Variants in C12orf42 observed in about 807,000 individuals in gnomAD.
The protein encoded by C12orf42 is uncharacterized protein C12orf42.
Under a neutral mutation model 21.6 loss-of-function variants are expected in C12orf42, and 25 were observed. That is an observed-to-expected ratio of 1.16 (90% CI 0.84 to 1.62). C12orf42 has a LOEUF of 1.62. Among genes scored for constraint, C12orf42 ranks in the 40% most tolerant of loss-of-function variants. The pLI, the probability that C12orf42 is intolerant of heterozygous loss-of-function variation, is 0.00. For missense variants in C12orf42, 483 were observed against 459.3 expected, an observed-to-expected ratio of 1.05 and a Z score of -0.47; for synonymous variants, 174 against 175.0, an observed-to-expected ratio of 0.99 and a Z score of 0.05.
At chr12:103,255,715 C>T (rs1375572779) in intron 10 of C12orf42, among the ~76,000 whole-genome samples, 1 of 151,896 alleles carries the variant, frequency 6.6e-6, no homozygotes, top group Non-Finnish European at 1.5e-5. Context: ...TATCCCGTTA[C>T]TTCAAAAGTT....
chr12:103,121,656 C>T, the C12orf42 span, among the ~76,000 whole-genome samples: 2 of 152,300 alleles, frequency 1.3e-5, no homozygotes, highest in Admixed American at 6.5e-5. Context: ...GTGTGATCCT[C>T]CACTCATTCA....
intron 10 of C12orf42, among the ~76,000 whole-genome samples, chr12:103,255,547 T>TA (rs1462904196): frequency 6.6e-6 from 1 of 152,190 alleles, no homozygotes; most frequent in Non-Finnish European, 1.5e-5. Flanking sequence ...AGTTCATTAT[T>TA]ATATACACTG....
chr12:103,164,596 C>A, the C12orf42 span: 1 of 415,128 alleles, frequency 2.4e-6, no homozygotes, highest in Non-Finnish European at 4.9e-6. Flanking sequence ...AAGAAATTTA[C>A]ATAGTATATC....
Position 103,381,908 on chromosome 12 carries a change from C to T in C12orf42, c.148-12910G>A, listed in dbSNP as rs575714379. Among the ~76,000 whole-genome samples the T allele has an allele frequency of 1.4e-4, 15 of 109,170 alleles. No individual in the cohort carries two copies. The South Asian group carries it at 3.8e-3, about 28-fold the overall frequency. The allele number at this position is 109,170 out of a possible 152,430, so 71.6% of individuals were successfully genotyped here. The stretch of plus-strand genomic sequence containing the variant: ...CTCCAACCTGGGCAACAGAGTGAGA[C>T]TCCGTCTCAAAAAAAAAAAAAATTT... On this transcript the variant is annotated intron_variant, in intron 3 of 5. Transcript: ENST00000548883.
chr12:103,383,774 C>A (rs962469346), intron 3 of C12orf42, among the ~76,000 whole-genome samples: 5 of 152,140 alleles, frequency 3.3e-5, no homozygotes, highest in Non-Finnish European at 5.9e-5. Flanking sequence ...CTTTCCTTGC[C>A]TATAAAATAA....
chr12:103,284,047 G>T (rs568396426), intron 4 of C12orf42, among the ~76,000 whole-genome samples: 2 of 152,104 alleles, frequency 1.3e-5, no homozygotes, highest in Non-Finnish European at 2.9e-5. Flanking sequence ...ATTTTGAGTG[G>T]CAGAATCTTG....
the C12orf42 span, among the ~76,000 whole-genome samples, chr12:103,112,127 T>A: frequency 6.6e-6 from 1 of 152,350 alleles, no homozygotes; most frequent in African/African-American, 2.4e-5. Flanking sequence ...CACAGGGTTG[T>A]GTGCAAAAAC....
chr12:103,481,078 G>C (rs950911816), intron 1 of C12orf42, among the ~76,000 whole-genome samples: 1 of 151,532 alleles, frequency 6.6e-6, no homozygotes, highest in Non-Finnish European at 1.5e-5. Context: ...TTAAAGTTTA[G>C]AGTTATATCT....
upstream of C12orf42, among the ~76,000 whole-genome samples, chr12:103,496,775 C>G (rs11111613): frequency 6.8e-6 from 1 of 147,604 alleles, no homozygotes; most frequent in Non-Finnish European, 1.5e-5. Flanking sequence ...ACCCTCCCCA[C>G]CACCCCACAC....
chr12:103,434,451 G>A (rs530311998), intron 2 of C12orf42, among the ~76,000 whole-genome samples: 8 of 152,308 alleles, frequency 5.3e-5, no homozygotes, highest in East Asian at 1.9e-4. Context: ...CGTGAGGGAC[G>A]CAGAGGACGG....
At chr12:103,173,148 G>A in the C12orf42 span, among the ~76,000 whole-genome samples, 4 of 152,190 alleles carry the variant, frequency 2.6e-5, no homozygotes, top group Middle Eastern at 3.4e-3. Context: ...AGAGTTGTTC[G>A]TACATTTTAC....
intron 2 of C12orf42, 87 bp downstream of exon 2, chr12:103,478,262 G>T (rs1954207905): frequency 2.5e-6 from 2 of 793,852 alleles, no homozygotes; most frequent in Non-Finnish European, 4.1e-6. Context: ...CAATGACACT[G>T]AATCAAGAAT....
intron 2 of C12orf42, among the ~76,000 whole-genome samples, chr12:103,468,548 T>C (rs557252558): frequency 1.3e-5 from 2 of 152,330 alleles, no homozygotes; most frequent in South Asian, 4.1e-4. Context: ...AAAATTCTCA[T>C]TGTTTTTAAT....
chr12:103,140,243 T>C, the C12orf42 span, among the ~76,000 whole-genome samples: 2 of 152,164 alleles, frequency 1.3e-5, no homozygotes, highest in African/African-American at 4.8e-5. Flanking sequence ...ACACACTGGC[T>C]TCTGTTTTTG....
intron 2 of C12orf42, among the ~76,000 whole-genome samples, chr12:103,462,129 C>T (rs372313294): frequency 1.2e-4 from 1 of 8,484 alleles, no homozygotes; most frequent in Non-Finnish European, 2.8e-4. Flanking sequence ...TTTTTTGAGA[C>T]AGAGTTTCGC....
chr12:103,082,409 T>C, the C12orf42 span, among the ~76,000 whole-genome samples: 5 of 152,350 alleles, frequency 3.3e-5, no homozygotes, highest in South Asian at 8.3e-4. Flanking sequence ...TCTCCAGTGT[T>C]TTTCCCCCAT....
chr12:103,245,797 G>A (rs780068256), intron 10 of C12orf42, among the ~76,000 whole-genome samples: 4 of 152,168 alleles, frequency 2.6e-5, no homozygotes, highest in Non-Finnish European at 4.4e-5. Flanking sequence ...TATGGGACAC[G>A]TATACACCTA....
At chr12:103,390,053 C>T (rs1428231313) in intron 3 of C12orf42, among the ~76,000 whole-genome samples, 1 of 152,180 alleles carries the variant, frequency 6.6e-6, no homozygotes, top group Admixed American at 6.5e-5. Context: ...ACTCCCATTA[C>T]ATTAATGATG....
At chr12:103,077,756 C>T in the C12orf42 span, among the ~76,000 whole-genome samples, 19 of 152,116 alleles carry the variant, frequency 1.2e-4, no homozygotes, top group Non-Finnish European at 2.1e-4. Context: ...AAGGTGAGGA[C>T]GTTGCTCTGT....
Sources: gnomAD v4.1 joint callset for allele counts (sites outside exome capture counted in the v4.1 genomes callset) on GRCh38, gnomAD v4.1.1 for gene constraint, MANE v1.5 for transcripts, NCBI Gene and HGNC (gene_info 2026-07-23, HGNC 2026-07-21) for gene names.